MAML2: variants seen among roughly 807,000 people sequenced by gnomAD.
The protein encoded by MAML2 is mastermind-like protein 2.
A neutral mutation model predicts 96.1 loss-of-function variants in MAML2; 22 were observed. That is an observed-to-expected ratio of 0.23 (90% CI 0.16 to 0.33). The LOEUF (loss-of-function observed/expected upper bound fraction) is 0.33, where lower values mean the gene tolerates loss of function less well. MAML2 is among the 10% of genes least tolerant of loss of function. The pLI, the probability that MAML2 is intolerant of heterozygous loss-of-function variation, is 1.00. For synonymous variants in MAML2, 561 were observed against 521.3 expected (o/e 1.08, Z -1.04); for missense variants, 1,367 against 1,392.4 (o/e 0.98, Z 0.29).
At chr11:96,277,103 C>T (rs1248495102) in intron 1 of MAML2, among the ~76,000 whole-genome samples, 1 of 152,148 alleles carries the variant, frequency 6.6e-6, no homozygotes, top group Non-Finnish European at 1.5e-5. Context: ...AGTGTCAGTT[C>T]AGTGCCATAC....
chr11:96,267,626 A>C (rs1403879003), intron 1 of MAML2, among the ~76,000 whole-genome samples: 2 of 152,206 alleles, frequency 1.3e-5, no homozygotes, highest in African/African-American at 4.8e-5. Flanking sequence ...AGAGGTAGGA[A>C]TAAAAATTCT....
At chr11:96,041,809 TTTTC>T (rs200869829) in intron 2 of MAML2, among the ~76,000 whole-genome samples, 5,845 of 151,916 alleles carry the variant, frequency 0.038, 138 homozygotes, top group Non-Finnish European at 0.051. Flanking sequence ...CCCTTCTCTT[TTTTC>T]TTTCTTTTTT....
At chr11:96,035,694 C>T (rs2135750979) in intron 2 of MAML2, among the ~76,000 whole-genome samples, 1 of 152,238 alleles carries the variant, frequency 6.6e-6, no homozygotes, top group Non-Finnish European at 1.5e-5. Context: ...TGGTATTCTC[C>T]CAACATTGGG....
At chr11:96,149,267 G>A (rs193066529) in intron 1 of MAML2, among the ~76,000 whole-genome samples, 1,581 of 151,026 alleles carry the variant, frequency 0.01, 19 homozygotes, top group Admixed American at 0.022. Flanking sequence ...CAAAAAGAAA[G>A]TTAGCTGGGC....
intron 1 of MAML2, among the ~76,000 whole-genome samples, chr11:96,178,978 C>G (rs1449116170): frequency 6.6e-6 from 1 of 152,172 alleles, no homozygotes; most frequent in African/African-American, 2.4e-5. Context: ...AATGGTCACC[C>G]TTGCAGTGCT....
At position 96,341,582 on chromosome 11, in the gene MAML2, G is replaced by A. The variant is rs964420056; in HGVS notation, c.314C>T (p.Pro105Leu). 3 of 1,551,388 alleles carry A rather than the reference G, an allele frequency of 1.9e-6. No individual in the cohort carries two copies. The highest frequency in any genetic ancestry group is 2.7e-5 in the African/African-American group (2 of 73,048). ...ATATAATTTA[P>L]PPPPAAPPAA... ...AGGAGGGGCAGCAGGGGGCGGTGGA[G>A]GGGCTGTAGTGGTGGCAGCAGTGGC... Residue 105 changes from proline (P) to leucine (L), a missense_variant, in exon 1 of 5, where the codon CCT becomes CTT. Transcript: ENST00000524717.
At chr11:96,158,494 C>G (rs964556354) in intron 1 of MAML2, among the ~76,000 whole-genome samples, 1 of 152,196 alleles carries the variant, frequency 6.6e-6, no homozygotes, top group Non-Finnish European at 1.5e-5. Flanking sequence ...GCATGGATCT[C>G]TACTCCTAAA....
At chr11:96,064,461 G>A (rs1386469345) in intron 2 of MAML2, among the ~76,000 whole-genome samples, 1 of 152,212 alleles carries the variant, frequency 6.6e-6, no homozygotes, top group Non-Finnish European at 1.5e-5. Context: ...TTGTCCGAAT[G>A]TGGAAAAATA....
chr11:95,985,955 C>T (rs1034939153), intron 3 of MAML2, among the ~76,000 whole-genome samples: 2 of 152,106 alleles, frequency 1.3e-5, no homozygotes, highest in South Asian at 2.1e-4. Flanking sequence ...TTTCAAGATG[C>T]TAATTTCTAA....
At chr11:96,084,183 G>T (rs1406824595) in intron 2 of MAML2, among the ~76,000 whole-genome samples, 1 of 152,134 alleles carries the variant, frequency 6.6e-6, no homozygotes, top group Admixed American at 6.5e-5. Context: ...GAAGAGAAAG[G>T]CTGGGAATGA....
intron 2 of MAML2, among the ~76,000 whole-genome samples, chr11:96,088,121 T>C (rs16923046): frequency 0.012 from 1,855 of 152,272 alleles, 43 homozygotes; most frequent in African/African-American, 0.043. Context: ...AGGGTTGATA[T>C]GGTGTAGAGA....
intron 1 of MAML2, among the ~76,000 whole-genome samples, chr11:96,164,849 AGGACTGATTAG>A (rs1277556004): frequency 6.6e-6 from 1 of 152,232 alleles, no homozygotes; most frequent in Non-Finnish European, 1.5e-5. Flanking sequence ...GCCTCCCAAC[AGGACTGATTAG>A]GGGAGAAACC....
At chr11:96,071,312 G>A (rs559757216) in intron 2 of MAML2, among the ~76,000 whole-genome samples, 22 of 152,390 alleles carry the variant, frequency 1.4e-4, no homozygotes, top group African/African-American at 2.9e-4. Flanking sequence ...ACCTGGAACC[G>A]TCCTGAACCA....
intron 2 of MAML2, among the ~76,000 whole-genome samples, chr11:96,083,931 AC>A (rs1298471738): frequency 6.6e-6 from 1 of 152,152 alleles, no homozygotes; most frequent in Non-Finnish European, 1.5e-5. Flanking sequence ...ATATTAGGAG[AC>A]CAGGGAAACC....
At chr11:95,985,357 A>C (rs766613964) in intron 4 of MAML2, among the ~76,000 whole-genome samples, 174 bp downstream of exon 4, 1 of 152,218 alleles carries the variant, frequency 6.6e-6, no homozygotes, top group Non-Finnish European at 1.5e-5. Flanking sequence ...CTAAGCAAAA[A>C]CTGATGAAAG....
In MAML2 at chr11:96,092,133, T is replaced by C; in HGVS notation, c.1898A>G (p.Gln633Arg). The change falls in exon 2 of 5, where the codon CAG (glutamine) becomes CGG (arginine). Residue 633 changes from glutamine (Q) to arginine (R), a missense_variant. By Grantham distance (43) the Gln-to-Arg change is conservative. Transcript: ENST00000524717. The surrounding 1 kb of genome is among the most constrained non-coding windows in gnomAD (Gnocchi z 4.1). ...SISAQQQQQQ[Q>R]SSISAQQQQQ... ...CTGCTGTTGGGCTGAAATTGAGCTC[T>C]GCTGCTGTTGCTGTTGTTGAGCTGA... The C allele has an allele frequency of 6.4e-7, 1 of 1,550,762 alleles. No individual in the cohort carries two copies. The highest frequency in any genetic ancestry group is 8.7e-7 in the Non-Finnish European group (1 of 1,146,516).
chr11:96,098,002 C>T (rs2135818278), intron 1 of MAML2, among the ~76,000 whole-genome samples: 1 of 152,338 alleles, frequency 6.6e-6, no homozygotes, highest in Non-Finnish European at 1.5e-5. Context: ...CTGCTGTCTT[C>T]CCTTTCGGCC....
At chr11:96,122,500 GT>G (rs1565221661) in intron 1 of MAML2, among the ~76,000 whole-genome samples, 1,752 of 86,430 alleles carry the variant, frequency 0.02, 15 homozygotes, top group Middle Eastern at 0.067. Flanking sequence ...TAGGCTGGGT[GT>G]GTGTGTGTGT....
intron 1 of MAML2, among the ~76,000 whole-genome samples, chr11:96,095,931 TC>T (rs1318095005): frequency 2.0e-5 from 3 of 152,126 alleles, no homozygotes; most frequent in Non-Finnish European, 4.4e-5. Flanking sequence ...TCTTGTCCAC[TC>T]ACTGGTGTAG....
Sources: allele counts gnomAD v4.1 joint callset (sites outside exome capture counted in the v4.1 genomes callset), GRCh38; gene constraint gnomAD v4.1.1; non-coding constraint Gnocchi (gnomAD v3.1); transcripts MANE v1.5; gene names NCBI Gene and HGNC (gene_info 2026-07-23, HGNC 2026-07-21).